The following LINGO2 variants were observed in gnomAD, a reference collection of about 807,000 sequenced individuals.
LINGO2 encodes leucine rich repeat and Ig domain containing 2, also known as leucine-rich repeat and immunoglobulin-like domain-containing nogo receptor-interacting protein 2.
LINGO2 carries 14 observed loss-of-function variants against 30.6 expected under a neutral mutation model. The observed-to-expected ratio is 0.46, with a 90% CI of 0.30 to 0.72. LINGO2 has a LOEUF of 0.72. Among genes scored for constraint, LINGO2 ranks in the 30% least tolerant of loss-of-function variants. The probability of loss-of-function intolerance (pLI) is 0.07; values close to 1 mark genes in which losing one functional copy is unlikely to be tolerated. For missense variants in LINGO2, 729 were observed against 751.7 expected (o/e 0.97, Z 0.35); for synonymous variants, 317 against 288.5 (o/e 1.10, Z -1.00).
chr9:29,153,406 C>A, the LINGO2 span, among the ~76,000 whole-genome samples: 2 of 152,038 alleles, frequency 1.3e-5, no homozygotes, highest in African/African-American at 4.8e-5. Context: ...TTATCCAGTT[C>A]TCATACATTG....
chr9:28,416,212 T>C (rs926608950), intron 2 of LINGO2, among the ~76,000 whole-genome samples: 29 of 152,158 alleles, frequency 1.9e-4, no homozygotes, highest in African/African-American at 6.5e-4. Flanking sequence ...AAAATTATAC[T>C]CTTTTCATAA....
chr9:27,985,787 C>A (rs1015555587), intron 5 of LINGO2, among the ~76,000 whole-genome samples: 1 of 143,288 alleles, frequency 7.0e-6, no homozygotes, highest in Non-Finnish European at 1.5e-5. Context: ...AATATCCCAG[C>A]AAACAGAGCA....
At chr9:28,387,442 G>A (rs1821631766) in intron 2 of LINGO2, among the ~76,000 whole-genome samples, 1 of 152,202 alleles carries the variant, frequency 6.6e-6, no homozygotes, top group Admixed American at 6.5e-5. Flanking sequence ...GGCCAAATAA[G>A]TGAATAAAAG....
intron 4 of LINGO2, among the ~76,000 whole-genome samples, chr9:28,094,664 C>G (rs1422765196): frequency 6.6e-6 from 1 of 151,914 alleles, no homozygotes; most frequent in Admixed American, 6.6e-5. Flanking sequence ...GACTTTTTTT[C>G]CATTGAGCAA....
the LINGO2 span, among the ~76,000 whole-genome samples, chr9:29,078,862 C>T: frequency 2.0e-5 from 3 of 151,994 alleles, no homozygotes; most frequent in African/African-American, 7.2e-5. Context: ...TTTTAAGATG[C>T]TCCAATTCCT....
intron 3 of LINGO2, among the ~76,000 whole-genome samples, chr9:28,300,023 C>G (rs114327428): frequency 6.6e-6 from 1 of 150,798 alleles, no homozygotes; most frequent in Middle Eastern, 3.5e-3. Flanking sequence ...AAAGAAGATA[C>G]CAAAGCCAAC....
chr9:28,948,185 T>C, the LINGO2 span, among the ~76,000 whole-genome samples: 1 of 152,058 alleles, frequency 6.6e-6, no homozygotes, highest in Non-Finnish European at 1.5e-5. Context: ...ATATCAGCAA[T>C]AGCATATAGA....
At chr9:28,389,612 C>A (rs186009295) in intron 2 of LINGO2, among the ~76,000 whole-genome samples, 42 of 152,284 alleles carry the variant, frequency 2.8e-4, no homozygotes, top group African/African-American at 8.7e-4. Flanking sequence ...CAGTCAGCCC[C>A]ACTTAGTGTT....
chr9:28,996,368 T>C, the LINGO2 span, among the ~76,000 whole-genome samples: 1 of 152,250 alleles, frequency 6.6e-6, no homozygotes, highest in East Asian at 1.9e-4. Flanking sequence ...CGTAACTAGA[T>C]TTCAGAAATA....
chr9:28,245,427 A>G (rs564519961), intron 4 of LINGO2, among the ~76,000 whole-genome samples: 5 of 152,304 alleles, frequency 3.3e-5, no homozygotes, highest in East Asian at 1.9e-4. Flanking sequence ...ACTCCTATTC[A>G]ACATAGTATT....
intron 1 of LINGO2, among the ~76,000 whole-genome samples, chr9:28,593,678 T>G (rs1825035391): frequency 6.6e-6 from 1 of 151,472 alleles, no homozygotes; most frequent in Non-Finnish European, 1.5e-5. Flanking sequence ...CAAAATAAAC[T>G]TGCTCAAGAT....
downstream of LINGO2, among the ~76,000 whole-genome samples, chr9:27,945,652 G>A (rs1823336542): frequency 2.6e-5 from 4 of 152,252 alleles, no homozygotes; most frequent in Middle Eastern, 6.8e-3. Context: ...GTGCTGGTAT[G>A]AGCTGTTATG....
chr9:28,132,788 CT>C (rs1203855187), intron 4 of LINGO2, among the ~76,000 whole-genome samples: 2 of 152,176 alleles, frequency 1.3e-5, no homozygotes, highest in South Asian at 4.1e-4. Context: ...ATTTTATGCT[CT>C]TTCTTTAGAT....
chr9:29,054,444 G>C, the LINGO2 span, among the ~76,000 whole-genome samples: 2 of 152,048 alleles, frequency 1.3e-5, no homozygotes, highest in African/African-American at 4.8e-5. Flanking sequence ...GAGAGCTTTT[G>C]ATCTTTTATA....
intron 4 of LINGO2, among the ~76,000 whole-genome samples, chr9:28,132,316 TA>T (rs1827399746): frequency 6.6e-6 from 1 of 151,976 alleles, no homozygotes; most frequent in Non-Finnish European, 1.5e-5. Flanking sequence ...TAAATTGAGT[TA>T]TACCCATGTG....
chr9:28,323,676 G>A lies in LINGO2; in HGVS notation c.-245-28310C>T, dbSNP rs73645644. 2.8e-3 allele frequency among the ~76,000 whole-genome samples: 433 copies of A among 152,252 alleles called. 3 individuals are homozygous for A. The highest frequency in any genetic ancestry group is 1.0e-2 in the African/African-American group (415 of 41,542). On this transcript the variant is annotated intron_variant, in intron 3 of 5. Transcript: ENST00000379992. The stretch of plus-strand genomic sequence containing the variant: ...AATAAGCTGTAAATAACTCCAGAGC[G>A]TAGCATCAAAGCAAACATAAGTTCG...
At chr9:28,389,424 C>G (rs1185181542) in intron 2 of LINGO2, among the ~76,000 whole-genome samples, 1 of 152,148 alleles carries the variant, frequency 6.6e-6, no homozygotes, top group Non-Finnish European at 1.5e-5. Context: ...AGTTTTATAT[C>G]ATAAACATTC....
At chr9:28,343,795 C>T (rs955899156) in intron 3 of LINGO2, among the ~76,000 whole-genome samples, 1 of 152,050 alleles carries the variant, frequency 6.6e-6, no homozygotes, top group Non-Finnish European at 1.5e-5. Context: ...CTATCAGCTG[C>T]CATTAGCTGT....
the LINGO2 span, among the ~76,000 whole-genome samples, chr9:29,003,058 T>C: frequency 6.6e-6 from 1 of 151,740 alleles, no homozygotes; most frequent in Non-Finnish European, 1.5e-5. Context: ...AAAATACGGA[T>C]AGAAAATGGA....
Sources: allele counts gnomAD v4.1 joint callset (sites outside exome capture counted in the v4.1 genomes callset), GRCh38; gene constraint gnomAD v4.1.1; transcripts MANE v1.5; gene names NCBI Gene and HGNC (gene_info 2026-07-23, HGNC 2026-07-21).